Variants in KSR2 observed in about 807,000 individuals in gnomAD.
KSR2 encodes the protein kinase suppressor of ras 2.
KSR2 carries 25 observed loss-of-function variants against 107.8 expected under a neutral mutation model. That is an observed-to-expected ratio of 0.23 (90% CI 0.17 to 0.32). The LOEUF is 0.32. Ranked by LOEUF, KSR2 falls within the 10% of genes least tolerant of loss-of-function variation. The pLI is 1.00. For missense variants in KSR2, 887 were observed against 1,268.9 expected, an observed-to-expected ratio of 0.70 and a Z score of 4.57; for synonymous variants, 480 against 507.0, an observed-to-expected ratio of 0.95 and a Z score of 0.71.
intron 3 of KSR2, among the ~76,000 whole-genome samples, chr12:117,793,364 CCAA>C (rs1890362829): frequency 1.4e-5 from 2 of 146,120 alleles, no homozygotes; most frequent in Admixed American, 6.8e-5. Context: ...CACCCTCACA[CCAA>C]CATGCACACA....
intron 4 of KSR2, among the ~76,000 whole-genome samples, chr12:117,730,080 T>C (rs931538458): frequency 3.9e-5 from 6 of 152,180 alleles, no homozygotes; most frequent in Non-Finnish European, 5.9e-5. Context: ...CAGTCTGCCA[T>C]AGTAGCATGA....
chr12:117,729,879 G>T (rs1278518992), intron 4 of KSR2, among the ~76,000 whole-genome samples: 3 of 152,220 alleles, frequency 2.0e-5, no homozygotes, highest in Admixed American at 2.0e-4. Flanking sequence ...AAAGTGGTAA[G>T]CATAGAAATG....
intron 1 of KSR2, among the ~76,000 whole-genome samples, chr12:117,962,634 G>A (rs58507737): frequency 0.39 from 57,874 of 149,798 alleles, 11,521 homozygotes; most frequent in East Asian, 0.48. Context: ...TAGTAGAGAC[G>A]GGGTTTCGCC....
chr12:117,812,746 C>A (rs1281714904), intron 3 of KSR2, among the ~76,000 whole-genome samples: 1 of 147,680 alleles, frequency 6.8e-6, no homozygotes. Flanking sequence ...TCTACAGATT[C>A]AATGCAATCT....
At chr12:117,479,538 T>C (rs1872023974) in intron 16 of KSR2, among the ~76,000 whole-genome samples, 1 of 152,156 alleles carries the variant, frequency 6.6e-6, no homozygotes, top group African/African-American at 2.4e-5. Context: ...TACAGGCCGT[T>C]AGCACCCCCC....
At chr12:117,500,633 G>A (rs190724604) in intron 14 of KSR2, among the ~76,000 whole-genome samples, 21 of 152,288 alleles carry the variant, frequency 1.4e-4, no homozygotes, top group African/African-American at 3.9e-4. Flanking sequence ...GAAATGGAAG[G>A]AACAGAGGCT....
At chr12:117,627,068 T>A (rs1386092379) in intron 5 of KSR2, among the ~76,000 whole-genome samples, 1 of 151,790 alleles carries the variant, frequency 6.6e-6, no homozygotes, top group Non-Finnish European at 1.5e-5. Flanking sequence ...TCTTCCTCCA[T>A]CCCTTTATTT....
At chr12:117,870,391 A>C (rs1840489146) in intron 1 of KSR2, among the ~76,000 whole-genome samples, 1 of 152,154 alleles carries the variant, frequency 6.6e-6, no homozygotes, top group Admixed American at 6.5e-5. Context: ...ACCTGAGGTC[A>C]GGAGTTCAAG....
At chr12:117,805,246 C>G (rs1890972277) in intron 3 of KSR2, among the ~76,000 whole-genome samples, 1 of 152,244 alleles carries the variant, frequency 6.6e-6, no homozygotes, top group African/African-American at 2.4e-5. Context: ...TTTTTAGGGA[C>G]TAACTTGGCT....
intron 7 of KSR2, among the ~76,000 whole-genome samples, chr12:117,575,226 G>C (rs529851705): frequency 1.3e-5 from 2 of 152,312 alleles, no homozygotes; most frequent in South Asian, 2.1e-4. Flanking sequence ...TGTTTCCCCA[G>C]CATCTAGAGT....
intron 14 of KSR2, among the ~76,000 whole-genome samples, chr12:117,493,254 C>T (rs1000869411): frequency 2.6e-5 from 4 of 152,096 alleles, no homozygotes; most frequent in Non-Finnish European, 5.9e-5. Flanking sequence ...CTCTGGCTTC[C>T]CCAGTTCATT....
chr12:117,835,212 G>A (rs868612634), intron 3 of KSR2, among the ~76,000 whole-genome samples: 2 of 152,192 alleles, frequency 1.3e-5, no homozygotes, highest in Non-Finnish European at 2.9e-5. Context: ...TCCGTCTGCT[G>A]TTGCCCCCTT....
At chr12:117,658,904 T>C (rs796144250) in intron 5 of KSR2, among the ~76,000 whole-genome samples, 18 of 152,306 alleles carry the variant, frequency 1.2e-4, no homozygotes, top group African/African-American at 4.3e-4. Context: ...TTGCCTCTGA[T>C]GCACTCTGTA....
chr12:117,555,318 G>C (rs1877601453), intron 8 of KSR2, 25 bp from the exon 9 acceptor site: 5 of 1,612,738 alleles, frequency 3.1e-6, no homozygotes, highest in Non-Finnish European at 3.4e-6. Flanking sequence ...ACATTGATTT[G>C]GGAGTTTAAG....
At chr12:117,958,922 C>T (rs1216909960) in intron 1 of KSR2, among the ~76,000 whole-genome samples, 1 of 151,790 alleles carries the variant, frequency 6.6e-6, no homozygotes, top group Admixed American at 6.6e-5. Context: ...TAGTGTTGAA[C>T]AAACCAGTAG....
intron 3 of KSR2, among the ~76,000 whole-genome samples, chr12:117,849,642 GAAA>G (rs1892843512): frequency 6.6e-6 from 1 of 152,184 alleles, no homozygotes; most frequent in Non-Finnish European, 1.5e-5. Flanking sequence ...AACCCAAGGA[GAAA>G]ACTAAGATTA....
At chr12:117,506,459 C>T (rs879106088) in intron 14 of KSR2, among the ~76,000 whole-genome samples, 4 of 152,158 alleles carry the variant, frequency 2.6e-5, no homozygotes, top group Non-Finnish European at 5.9e-5. Flanking sequence ...TTTCAGGTTG[C>T]AATTTCCATC....
At chr12:117,537,176 G>A (rs139346104) in intron 10 of KSR2, among the ~76,000 whole-genome samples, 164 of 152,236 alleles carry the variant, frequency 1.1e-3, no homozygotes, top group Non-Finnish European at 2.1e-3. Context: ...TCGCACCACT[G>A]CACTCCAGCC....
chr12:117,877,471 G>A (rs1593331768), intron 1 of KSR2, among the ~76,000 whole-genome samples: 1 of 152,140 alleles, frequency 6.6e-6, no homozygotes, highest in Non-Finnish European at 1.5e-5. Context: ...TGTGCCTACT[G>A]CTTTGTGTTA....
Sources: gnomAD v4.1 joint callset for allele counts (sites outside exome capture counted in the v4.1 genomes callset) on GRCh38, gnomAD v4.1.1 for gene constraint, MANE v1.5 for transcripts, NCBI Gene and HGNC (gene_info 2026-07-23, HGNC 2026-07-21) for gene names.